The following TRIO variants were observed in gnomAD, a reference collection of about 807,000 sequenced individuals.
TRIO encodes trio Rho guanine nucleotide exchange factor, also known as triple functional domain protein.
In TRIO, 58 loss-of-function variants were observed where a neutral mutation model predicts 351.9. That is an observed-to-expected ratio of 0.16 (90% CI 0.13 to 0.21). The LOEUF is 0.21. Ranked by LOEUF, TRIO falls within the 10% of genes least tolerant of loss-of-function variation. The pLI is 1.00. For missense variants in TRIO, 3,201 were observed against 4,027.8 expected (o/e 0.79, Z 5.56); for synonymous variants, 1,758 against 1,595.7 (o/e 1.10, Z -2.42).
intron 1 of TRIO, among the ~76,000 whole-genome samples, chr5:14,182,085 A>C (rs1017047207): frequency 7.7e-6 from 1 of 129,454 alleles, no homozygotes; most frequent in Non-Finnish European, 1.6e-5. Flanking sequence ...TTCCTGTTCA[A>C]ATCTTTGAAG....
chr5:14,257,590 C>T (rs922071689), intron 1 of TRIO, among the ~76,000 whole-genome samples: 30 of 151,976 alleles, frequency 2.0e-4, no homozygotes, highest in African/African-American at 3.4e-4. Context: ...ACAGACGGGG[C>T]GTGGGAAAGA....
intron 46 of TRIO, 79 bp from the exon 47 acceptor site, chr5:14,484,990 C>T (rs1755810876): frequency 1.3e-5 from 18 of 1,380,484 alleles, no homozygotes; most frequent in Non-Finnish European, 1.7e-5. Flanking sequence ...TTTCTTTGTC[C>T]ATTCATCGGT....
chr5:14,323,608 A>G (rs903068638), intron 9 of TRIO, among the ~76,000 whole-genome samples: 1 of 152,246 alleles, frequency 6.6e-6, no homozygotes, highest in South Asian at 2.1e-4. Flanking sequence ...CCACTCAGCT[A>G]TCTCAGGCCT....
At chr5:14,215,354 A>T (rs1792152214) in intron 1 of TRIO, among the ~76,000 whole-genome samples, 1 of 152,196 alleles carries the variant, frequency 6.6e-6, no homozygotes, top group African/African-American at 2.4e-5. Flanking sequence ...GCACACTGTT[A>T]GTGTTTATTG....
chr5:14,180,614 G>T (rs1013130583), intron 1 of TRIO, among the ~76,000 whole-genome samples: 1 of 152,146 alleles, frequency 6.6e-6, no homozygotes, highest in Non-Finnish European at 1.5e-5. Flanking sequence ...TGGGAAGATC[G>T]CTTGAGGCCA....
chr5:14,438,145 TC>T (rs1751745697), intron 34 of TRIO, among the ~76,000 whole-genome samples: 2 of 152,210 alleles, frequency 1.3e-5, no homozygotes, highest in African/African-American at 4.8e-5. Flanking sequence ...CGTGTTCTCT[TC>T]CGCCAAGTGC....
intron 1 of TRIO, among the ~76,000 whole-genome samples, chr5:14,145,501 C>G (rs201336426): frequency 1.4e-5 from 2 of 142,598 alleles, no homozygotes; most frequent in Non-Finnish European, 3.0e-5. Context: ...TACCCCCCCC[C>G]ACCTTTTTTT....
intron 3 of TRIO, 47 bp downstream of exon 3, chr5:14,280,483 G>C (rs1412111562): frequency 1.3e-6 from 2 of 1,500,562 alleles, no homozygotes; most frequent in Admixed American, 1.7e-5. Context: ...ACATTTACAA[G>C]AGATGTGGCG....
In TRIO at chr5:14,256,816, C is replaced by T. The variant is rs897036150; in HGVS notation, c.158-14009C>T. Among the ~76,000 whole-genome samples, 2 of 152,182 alleles carry T rather than the reference C, an allele frequency of 1.3e-5. 1 individual carries two copies. Among genetic ancestry groups the T allele is most frequent in the Admixed American group, 1.3e-4 (2 of 15,286 alleles). On this transcript the variant is annotated intron_variant, in intron 1 of 56. Transcript: ENST00000344204. ...TGGTCGCAGAGTTGACTGATGATATCGTACTGTGAGCTTTCACAAAACCAT... is the reference window on the plus strand; with the variant it reads ...TGGTCGCAGAGTTGACTGATGATATTGTACTGTGAGCTTTCACAAAACCAT...
At chr5:14,414,909 C>G (rs559977073) in intron 33 of TRIO, among the ~76,000 whole-genome samples, 35 of 152,302 alleles carry the variant, frequency 2.3e-4, no homozygotes, top group Non-Finnish European at 4.1e-4. Flanking sequence ...TGGGTGAGAG[C>G]CTGGGGCATA....
chr5:14,357,632 G>A (rs983919428), intron 11 of TRIO, among the ~76,000 whole-genome samples: 1 of 152,046 alleles, frequency 6.6e-6, no homozygotes, highest in Non-Finnish European at 1.5e-5. Flanking sequence ...GCCTGGGCTC[G>A]TGCCGTCACC....
chr5:14,447,395 A>T (rs1752516796), intron 34 of TRIO, among the ~76,000 whole-genome samples: 1 of 152,224 alleles, frequency 6.6e-6, no homozygotes, highest in Non-Finnish European at 1.5e-5. Flanking sequence ...TCTTGAATGT[A>T]GGTAAAAGAT....
intron 1 of TRIO, chr5:14,183,782 C>A: frequency 1.8e-6 from 1 of 567,684 alleles, no homozygotes; most frequent in Non-Finnish European, 3.2e-6. Flanking sequence ...AGCATGCTGG[C>A]TGCTCCTCAC....
At chr5:14,398,737 G>C (rs189420928) in intron 29 of TRIO, 143 bp from the exon 30 acceptor site, 2 of 717,906 alleles carry the variant, frequency 2.8e-6, no homozygotes. Context: ...CAGTGGCGTC[G>C]AGTCAGGATC....
intron 10 of TRIO, among the ~76,000 whole-genome samples, chr5:14,333,634 C>T (rs1403800395): frequency 6.6e-6 from 1 of 152,134 alleles, no homozygotes. Context: ...TCCCAAAATC[C>T]CTTATTTTCC....
chr5:14,474,741 C>T (rs1266916922), intron 40 of TRIO, among the ~76,000 whole-genome samples: 1 of 152,132 alleles, frequency 6.6e-6, no homozygotes, highest in Non-Finnish European at 1.5e-5. Flanking sequence ...TAGCTCACTG[C>T]AGCCTTGAAC....
intron 18 of TRIO, among the ~76,000 whole-genome samples, chr5:14,370,878 T>G (rs1481382566): frequency 1.3e-5 from 2 of 152,190 alleles, no homozygotes; most frequent in Non-Finnish European, 2.9e-5. Flanking sequence ...GAAAAATGAA[T>G]GCCACTTAGT....
chr5:14,507,563 AAG>A (rs1240248549), intron 56 of TRIO, among the ~76,000 whole-genome samples: 2 of 152,096 alleles, frequency 1.3e-5, no homozygotes, highest in African/African-American at 2.4e-5. Flanking sequence ...TTAGGCGGGA[AAG>A]AGAGCATTCC....
At chr5:14,494,065 A>G (rs999748712) in intron 49 of TRIO, among the ~76,000 whole-genome samples, 4 of 152,238 alleles carry the variant, frequency 2.6e-5, no homozygotes, top group African/African-American at 9.6e-5. Flanking sequence ...ATCCTGTAAA[A>G]TAAAAGGGTT....
Sources: gnomAD v4.1 joint callset for allele counts (sites outside exome capture counted in the v4.1 genomes callset) on GRCh38, gnomAD v4.1.1 for gene constraint, MANE v1.5 for transcripts, NCBI Gene and HGNC (gene_info 2026-07-23, HGNC 2026-07-21) for gene names.